The following CUX1 variants were observed in gnomAD, a reference collection of about 807,000 sequenced individuals.
The protein encoded by CUX1 is protein CASP.
Under a neutral mutation model 158.8 loss-of-function variants are expected in CUX1, and 31 were observed. The ratio of observed to expected loss-of-function variants is 0.20; its 90% CI spans 0.15 to 0.26. The LOEUF is 0.26. Among genes scored for constraint, CUX1 ranks in the 10% least tolerant of loss-of-function variants. The pLI is 1.00. For missense variants in CUX1, 1,589 were observed against 2,014.6 expected (o/e 0.79, Z 4.04); for synonymous variants, 879 against 862.1 (o/e 1.02, Z -0.34).
In CUX1 at chr7:102,248,800, G is replaced by A. The variant is rs1214651569; in HGVS notation, c.4276G>A (p.Ala1426Thr). The A allele has an allele frequency of 3.7e-6, 4 of 1,089,000 alleles. No homozygotes were observed. The highest frequency in any genetic ancestry group is 4.5e-6 in the Non-Finnish European group (4 of 895,698). 67.5% of individuals were successfully genotyped at this position (1,089,000 alleles called of 1,614,324 possible). ...CGAGGACGCCGCTACCTCAGCCGCC[G>A]CCGCGCCGGGGGAGGGCCCCGCGGC... ...APEDAATSAA[A>T]APGEGPAAPS... The change falls in exon 24 of 24, where the codon GCC becomes ACC. Residue 1426 changes from alanine (A) to threonine (T), a missense_variant. Physicochemically the swap from Ala to Thr is moderately conservative, Grantham distance 58. Transcript: ENST00000292535. The surrounding 1 kb of genome is among the most constrained non-coding windows in gnomAD (Gnocchi z 5.8).
intron 8 of CUX1, among the ~76,000 whole-genome samples, chr7:102,141,484 G>T (rs1834453749): frequency 6.6e-6 from 1 of 152,176 alleles, no homozygotes; most frequent in Non-Finnish European, 1.5e-5. Context: ...CAGGATTTGG[G>T]ACCTGAGCCA....
intron 4 of CUX1, among the ~76,000 whole-genome samples, chr7:102,080,657 C>T (rs1297344732): frequency 6.6e-6 from 1 of 152,156 alleles, no homozygotes; most frequent in Non-Finnish European, 1.5e-5. Context: ...GCAGTCTCCT[C>T]GCCACCCTGC....
rs1007349715 is a variant in CUX1 at position 102,255,755 on chromosome 7, A to G, written c.*6713A>G. ...CTGGTGAAACAAGAGACCATTCAGC[A>G]AGACACATTGAAGTGGCACGGAGCT... On this transcript the variant is annotated 3_prime_UTR_variant, in exon 24 of 24. Transcript: ENST00000292535. The G allele has an allele frequency of 1.1e-4, 111 of 985,328 alleles. No homozygotes were observed. The highest frequency in any genetic ancestry group is 4.5e-5 in the Non-Finnish European group (37 of 829,938). 61.0% of individuals were successfully genotyped at this position (985,328 alleles called of 1,614,324 possible). A position where few individuals can be genotyped will look rare whatever the true frequency, so the allele number is the denominator to read the frequency against.
At chr7:102,020,640 G>A (rs1462690715) in intron 2 of CUX1, among the ~76,000 whole-genome samples, 1 of 152,206 alleles carries the variant, frequency 6.6e-6, no homozygotes, top group East Asian at 1.9e-4. Flanking sequence ...AACACTTTAG[G>A]AGGCCAAGGC....
At chr7:102,103,434 TCACTCA>T (rs1259989205) in intron 5 of CUX1, among the ~76,000 whole-genome samples, 14 of 105,610 alleles carry the variant, frequency 1.3e-4, no homozygotes, top group Non-Finnish European at 1.6e-4. Flanking sequence ...TCTCTCTCTC[TCACTCA>T]CTCACTCACT....
intron 10 of CUX1, among the ~76,000 whole-genome samples, chr7:102,173,105 A>G (rs1159523103): frequency 6.6e-6 from 1 of 152,124 alleles, no homozygotes; most frequent in African/African-American, 2.4e-5. Context: ...CACACCTGTA[A>G]TCCTAGCACT....
chr7:101,901,862 C>T (rs1584929440), intron 1 of CUX1, among the ~76,000 whole-genome samples: 2 of 152,194 alleles, frequency 1.3e-5, no homozygotes, highest in South Asian at 2.1e-4. Context: ...ATGGCTGGTG[C>T]CCTAACAAAT....
chr7:101,885,660 G>A (rs1272928330), intron 1 of CUX1, among the ~76,000 whole-genome samples: 1 of 152,210 alleles, frequency 6.6e-6, no homozygotes, highest in African/African-American at 2.4e-5. Context: ...TGAGGCTACA[G>A]GTCCCCTTGC....
chr7:101,979,425 G>T (rs1214072581), intron 2 of CUX1, among the ~76,000 whole-genome samples: 3 of 152,196 alleles, frequency 2.0e-5, no homozygotes, highest in African/African-American at 7.2e-5. Context: ...TGAGATTTTT[G>T]AATTGTAATT....
At chr7:101,918,717 A>G (rs185705393) in intron 2 of CUX1, among the ~76,000 whole-genome samples, 76 of 152,354 alleles carry the variant, frequency 5.0e-4, no homozygotes, top group Admixed American at 2.0e-3. Context: ...AAAGTCCAAG[A>G]CGAGACCCAC....
chr7:102,151,477 C>T (rs978202305), intron 8 of CUX1, among the ~76,000 whole-genome samples: 2 of 151,980 alleles, frequency 1.3e-5, no homozygotes, highest in Non-Finnish European at 2.9e-5. Flanking sequence ...TCGCTTGAAC[C>T]CAGGAGATGG....
intron 8 of CUX1, among the ~76,000 whole-genome samples, chr7:102,155,728 T>C (rs191171705): frequency 6.6e-6 from 1 of 152,354 alleles, no homozygotes; most frequent in East Asian, 1.9e-4. Flanking sequence ...TTAACACTTT[T>C]AATTTTTTTA....
intron 8 of CUX1, among the ~76,000 whole-genome samples, chr7:102,117,568 G>A (rs1563266790): frequency 6.6e-6 from 1 of 152,132 alleles, no homozygotes; most frequent in Non-Finnish European, 1.5e-5. Context: ...GTGGCCTTGG[G>A]GAGGGAAGAG....
intron 1 of CUX1, among the ~76,000 whole-genome samples, chr7:101,837,032 A>G (rs1794710049): frequency 6.6e-6 from 1 of 152,154 alleles, no homozygotes; most frequent in Non-Finnish European, 1.5e-5. Flanking sequence ...TGTTATTTGG[A>G]GATGGAAGAG....
upstream of CUX1, chr7:101,817,189 G>A (rs1260503564): frequency 4.1e-6 from 4 of 984,386 alleles, no homozygotes; most frequent in Non-Finnish European, 4.8e-6. This position sits in a 1 kb window ranked among gnomAD's most constrained non-coding sequence, Gnocchi z 4.1. Flanking sequence ...CTGTTCCCCC[G>A]GGTGCCCGGG....
chr7:101,826,524 C>A (rs1013037880), intron 1 of CUX1, among the ~76,000 whole-genome samples: 1 of 152,144 alleles, frequency 6.6e-6, no homozygotes, highest in South Asian at 2.1e-4. Flanking sequence ...TCATGCATTC[C>A]TTTTTCTTTT....
At chr7:102,228,841 G>A (rs1179383539) in intron 21 of CUX1, among the ~76,000 whole-genome samples, 3 of 151,998 alleles carry the variant, frequency 2.0e-5, no homozygotes, top group East Asian at 3.9e-4. Context: ...TGGCATCCTC[G>A]GGGCTCCAGA....
At chr7:102,111,635 G>A (rs1563258159) in intron 6 of CUX1, 63 bp from the exon 7 acceptor site, 5 of 1,477,762 alleles carry the variant, frequency 3.4e-6, no homozygotes, top group Non-Finnish European at 4.7e-6. Flanking sequence ...CAGCCGAAAG[G>A]CACACGTGCA....
At chr7:102,266,805 A>T (rs1790843087) in intron 14 of CUX1, among the ~76,000 whole-genome samples, 1 of 152,172 alleles carries the variant, frequency 6.6e-6, no homozygotes, top group Non-Finnish European at 1.5e-5. Context: ...CTTGGCAAGG[A>T]CAGTCAGCGT....
Sources: gnomAD v4.1 joint callset for allele counts (sites outside exome capture counted in the v4.1 genomes callset) on GRCh38, gnomAD v4.1.1 for gene constraint, Gnocchi (gnomAD v3.1) non-coding constraint, MANE v1.5 for transcripts, NCBI Gene and HGNC (gene_info 2026-07-23, HGNC 2026-07-21) for gene names.